The following UBR3 variants were observed in gnomAD, a reference collection of about 807,000 sequenced individuals.
UBR3 encodes the protein ubiquitin protein ligase E3 component n-recognin 3.
A neutral mutation model predicts 243.2 loss-of-function variants in UBR3; 85 were observed. That is an observed-to-expected ratio of 0.35 (90% CI 0.29 to 0.42). UBR3 has a LOEUF of 0.42. UBR3 is among the 10% of genes least tolerant of loss of function. The pLI is 1.00. For missense variants in UBR3, 1,686 were observed against 2,300.8 expected, an observed-to-expected ratio of 0.73 and a Z score of 5.47; for synonymous variants, 748 against 799.8, an observed-to-expected ratio of 0.94 and a Z score of 1.09.
intron 35 of UBR3, among the ~76,000 whole-genome samples, chr2:170,063,996 C>A (rs1416667381): frequency 6.6e-6 from 1 of 152,162 alleles, no homozygotes; most frequent in African/African-American, 2.4e-5. Context: ...TGTTTTCCCC[C>A]ATATACTTGC....
intron 10 of UBR3, among the ~76,000 whole-genome samples, chr2:169,911,884 G>C (rs2085267426): frequency 6.6e-6 from 1 of 152,158 alleles, no homozygotes; most frequent in South Asian, 2.1e-4. Flanking sequence ...GGAATAGAAT[G>C]TATCAAATAC....
In UBR3 at chr2:169,909,212, C is replaced by T. The variant is rs79414373; in HGVS notation, c.1779+3048C>T. On this transcript the variant is annotated intron_variant, in intron 10 of 38. Coordinates refer to ENST00000272793, the MANE Select transcript of UBR3 (RefSeq NM_172070.4). The stretch of plus-strand genomic sequence containing the variant: ...ATAGGCAGAGATCAGATTATTATTG[C>T]AGGTATTCGCAGATCATGTTAAGTA... Among the ~76,000 whole-genome samples the T allele has an allele frequency of 3.7e-4, 56 of 152,228 alleles. No individual in the cohort carries two copies. In the East Asian group the frequency reaches 9.9e-3, roughly 27 times the overall value.
Position 169,956,452 on chromosome 2 carries a change from G to A in UBR3, c.3546-1986G>A, listed in dbSNP as rs962007476. Among the ~76,000 whole-genome samples, 7 of 152,076 alleles carry A rather than the reference G, an allele frequency of 4.6e-5. No homozygotes were observed. The South Asian group carries it at 1.5e-3, about 32-fold the overall frequency. On this transcript the variant is annotated intron_variant, in intron 23 of 38. Transcript: ENST00000272793. The stretch of plus-strand genomic sequence containing the variant: ...TGTTCAGAAAGGGAAGAGAGGGGAT[G>A]GGTAGATTTAATTTTTTGAAATGGC...
chr2:169,858,675 C>T (rs1195827739), intron 1 of UBR3, among the ~76,000 whole-genome samples: 1 of 152,122 alleles, frequency 6.6e-6, no homozygotes, highest in Non-Finnish European at 1.5e-5. Flanking sequence ...TCTCAGCTCA[C>T]TACAACTTTT....
chr2:170,031,914 C>T (rs531368705), intron 31 of UBR3, among the ~76,000 whole-genome samples: 10 of 152,192 alleles, frequency 6.6e-5, no homozygotes, highest in South Asian at 2.1e-4. Context: ...TTTCTTTATC[C>T]AATCCACTGT....
intron 11 of UBR3, among the ~76,000 whole-genome samples, chr2:169,919,765 A>G (rs2085616634): frequency 6.6e-6 from 1 of 152,210 alleles, no homozygotes; most frequent in South Asian, 2.1e-4. Context: ...ATTAGATACC[A>G]TCTCACACCA....
chr2:169,910,375 T>C (rs2085205100), intron 10 of UBR3, among the ~76,000 whole-genome samples: 1 of 152,162 alleles, frequency 6.6e-6, no homozygotes, highest in Non-Finnish European at 1.5e-5. Flanking sequence ...ATGATATTGA[T>C]ATAAAAAGAT....
At chr2:170,064,427 AT>A (rs1484022993) in intron 35 of UBR3, among the ~76,000 whole-genome samples, 2 of 152,058 alleles carry the variant, frequency 1.3e-5, no homozygotes, top group Non-Finnish European at 2.9e-5. Context: ...TTAAAAAAAA[AT>A]CCTTTTCCAC....
Position 170,008,759 on chromosome 2 carries a change from G to A in UBR3, c.4231-45G>A, listed in dbSNP as rs953467844. 5.1e-6 allele frequency: 5 copies of A among 974,176 alleles called. No homozygotes were observed. In the Admixed American group the frequency reaches 1.1e-4, roughly 22 times the overall value. The allele number at this position is 974,176 out of a possible 1,614,324, so 60.3% of individuals were successfully genotyped here. ...ATTCTAGTTTCAGACCATTATTAAA[G>A]AAAGTGAATATAAACTTTATATGTA... On this transcript the variant is annotated intron_variant, in intron 28 of 38. Transcript: ENST00000272793.
chr2:170,041,627 A>G (rs1455509357), intron 32 of UBR3, among the ~76,000 whole-genome samples: 1 of 152,230 alleles, frequency 6.6e-6, no homozygotes, highest in Admixed American at 6.5e-5. Flanking sequence ...CTTGAAGACA[A>G]CATTTAAAAT....
At chr2:170,015,498 T>G in intron 30 of UBR3, 132 bp downstream of exon 30, 1 of 580,024 alleles carries the variant, frequency 1.7e-6, no homozygotes, top group Non-Finnish European at 3.0e-6. Context: ...GATATATACT[T>G]TAAATGGCTA....
At chr2:170,048,425 A>G (rs2091140634) in intron 32 of UBR3, among the ~76,000 whole-genome samples, 3 of 152,202 alleles carry the variant, frequency 2.0e-5, no homozygotes, top group South Asian at 4.1e-4. Flanking sequence ...ATGAAGAGGC[A>G]TGAAGCTAAA....
At position 170,073,488 on chromosome 2, in the gene UBR3, A is replaced by G; in HGVS notation, c.5080A>G (p.Thr1694Ala). ...CLGLLPTFYQ[T>A]EHPFISASCL... ...GGGACTTCTGCCAACGTTTTACCAA[A>G]CAGAACATCCATTCATCAGTGCCTC... Residue 1694 changes from threonine to alanine, a missense_variant, in exon 36 of 39, where the codon ACA becomes GCA. Physicochemically the swap from Thr to Ala is moderately conservative, Grantham distance 58. This residue lies in a region of UBR3 where 371 missense variants were observed against 422.5 expected (regional missense o/e 0.88). Transcript: ENST00000272793. The G allele has an allele frequency of 6.2e-7, 1 of 1,613,834 alleles. No homozygotes were observed. The highest frequency in any genetic ancestry group is 8.5e-7 in the Non-Finnish European group (1 of 1,179,748).
intron 1 of UBR3, among the ~76,000 whole-genome samples, chr2:169,868,136 C>T (rs1261489885): frequency 2.0e-5 from 3 of 152,060 alleles, no homozygotes; most frequent in Non-Finnish European, 4.4e-5. Flanking sequence ...ACTTTGATAT[C>T]TATCCACATT....
chr2:169,877,269 C>T (rs1262881656), intron 3 of UBR3, among the ~76,000 whole-genome samples: 1 of 152,152 alleles, frequency 6.6e-6, no homozygotes, highest in Non-Finnish European at 1.5e-5. Flanking sequence ...AGATGCCCAC[C>T]TACTTTGTAG....
At chr2:170,063,997 A>G (rs890386634) in intron 35 of UBR3, among the ~76,000 whole-genome samples, 2 of 152,134 alleles carry the variant, frequency 1.3e-5, no homozygotes, top group Admixed American at 1.3e-4. Context: ...GTTTTCCCCC[A>G]TATACTTGCC....
chr2:170,047,182 G>A (rs573748435), intron 32 of UBR3, among the ~76,000 whole-genome samples: 321 of 15,854 alleles, frequency 0.02, 1 homozygote, highest in African/African-American at 0.039. Flanking sequence ...TTGTAGAGAC[G>A]GTGGCGGTGT....
intron 31 of UBR3, among the ~76,000 whole-genome samples, chr2:170,033,589 C>T (rs1350623552): frequency 8.2e-6 from 1 of 121,284 alleles, no homozygotes; most frequent in Admixed American, 8.9e-5. Flanking sequence ...CCACCCCCCC[C>T]CCCCCCAATA....
chr2:169,869,624 A>C (rs1236546896), intron 1 of UBR3, among the ~76,000 whole-genome samples: 1 of 152,208 alleles, frequency 6.6e-6, no homozygotes, highest in African/African-American at 2.4e-5. Flanking sequence ...AACTGTAATG[A>C]ACTGTAAGTA....
Sources: allele counts gnomAD v4.1 joint callset (sites outside exome capture counted in the v4.1 genomes callset), GRCh38; gene constraint gnomAD v4.1.1; regional missense constraint gnomAD v4.1.1; transcripts MANE v1.5; gene names NCBI Gene and HGNC (gene_info 2026-07-23, HGNC 2026-07-21).